Variants in KCNQ3 observed in about 807,000 individuals in gnomAD.
KCNQ3 encodes potassium voltage-gated channel subfamily KQT member 3.
A neutral mutation model predicts 92.5 loss-of-function variants in KCNQ3; 30 were observed. The ratio of observed to expected loss-of-function variants is 0.32; its 90% CI spans 0.24 to 0.44. The LOEUF (loss-of-function observed/expected upper bound fraction) is 0.44, where lower values mean the gene tolerates loss of function less well. Among genes scored for constraint, KCNQ3 ranks in the 20% least tolerant of loss-of-function variants. KCNQ3 has a pLI of 1.00. For missense variants in KCNQ3, 913 were observed against 1,140.3 expected (o/e 0.80, Z 2.87); for synonymous variants, 450 against 468.8 (o/e 0.96, Z 0.52).
intron 1 of KCNQ3, among the ~76,000 whole-genome samples, chr8:132,469,528 G>A (rs1483541563): frequency 2.0e-5 from 3 of 152,148 alleles, no homozygotes; most frequent in Non-Finnish European, 4.4e-5. Flanking sequence ...GCTATCTTGG[G>A]CTACCCAAAA....
At chr8:132,296,576 TC>T (rs1414609838) in intron 1 of KCNQ3, among the ~76,000 whole-genome samples, 14 of 152,058 alleles carry the variant, frequency 9.2e-5, no homozygotes, top group African/African-American at 3.4e-4. Context: ...AGTGTGATGT[TC>T]CCCTTCCTGT....
At chr8:132,138,149 C>T (rs755207352) in intron 11 of KCNQ3, 133 bp from the exon 12 acceptor site, 70 of 1,026,834 alleles carry the variant, frequency 6.8e-5, no homozygotes, top group Non-Finnish European at 9.7e-5. Context: ...GAACTTCCAA[C>T]GTTTGGTTCT....
chr8:132,263,133 T>C (rs1815848993), intron 1 of KCNQ3, among the ~76,000 whole-genome samples: 1 of 152,184 alleles, frequency 6.6e-6, no homozygotes, highest in South Asian at 2.1e-4. Flanking sequence ...ACACACTCTT[T>C]CCTGTTGGCT....
At chr8:132,442,674 C>T (rs1398935485) in intron 1 of KCNQ3, among the ~76,000 whole-genome samples, 1 of 152,166 alleles carries the variant, frequency 6.6e-6, no homozygotes, top group Non-Finnish European at 1.5e-5. Context: ...AGCTCCTACC[C>T]GGGCCTTGGT....
intron 1 of KCNQ3, among the ~76,000 whole-genome samples, chr8:132,401,845 T>C (rs775485957): frequency 3.3e-5 from 5 of 152,196 alleles, no homozygotes; most frequent in Non-Finnish European, 7.3e-5. Context: ...AGCACTGCCC[T>C]GACGTGGGGA....
chr8:132,359,431 CTGGGTG>C (rs1819106161), intron 1 of KCNQ3, among the ~76,000 whole-genome samples: 2 of 152,130 alleles, frequency 1.3e-5, no homozygotes, highest in Non-Finnish European at 2.9e-5. Flanking sequence ...CTGTGTCCTG[CTGGGTG>C]CTCCAGGGAA....
At chr8:132,359,540 G>C (rs1819109025) in intron 1 of KCNQ3, among the ~76,000 whole-genome samples, 1 of 152,084 alleles carries the variant, frequency 6.6e-6, no homozygotes, top group Non-Finnish European at 1.5e-5. Flanking sequence ...GACACGGCTA[G>C]ATTTCTGCAT....
chr8:132,381,564 C>T (rs905496265), intron 1 of KCNQ3, among the ~76,000 whole-genome samples: 2 of 152,178 alleles, frequency 1.3e-5, no homozygotes, highest in Admixed American at 6.5e-5. Context: ...AAAAATTCCC[C>T]ATTAAGGTAA....
intron 12 of KCNQ3, among the ~76,000 whole-genome samples, chr8:132,134,935 A>T (rs555555620): frequency 1.3e-5 from 2 of 152,290 alleles, no homozygotes; most frequent in South Asian, 4.2e-4. Context: ...TAGATCCAAC[A>T]CCAGCTTCCA....
intron 1 of KCNQ3, among the ~76,000 whole-genome samples, chr8:132,206,560 T>G (rs991533): frequency 0.013 from 2,013 of 152,322 alleles, 27 homozygotes; most frequent in South Asian, 0.041. Flanking sequence ...TACAATGTGA[T>G]AGTCCACATT....
intron 1 of KCNQ3, among the ~76,000 whole-genome samples, chr8:132,422,694 C>T (rs1356096717): frequency 6.6e-6 from 1 of 152,230 alleles, no homozygotes; most frequent in East Asian, 1.9e-4. Context: ...CCTCCCACGA[C>T]TCTCCATATA....
At chr8:132,448,894 C>G (rs1435726402) in intron 1 of KCNQ3, among the ~76,000 whole-genome samples, 1 of 152,210 alleles carries the variant, frequency 6.6e-6, no homozygotes, top group Non-Finnish European at 1.5e-5. Context: ...AGGAAATCAT[C>G]TTGAACACAA....
At chr8:132,211,485 T>A (rs554358222) in intron 1 of KCNQ3, among the ~76,000 whole-genome samples, 1 of 152,298 alleles carries the variant, frequency 6.6e-6, no homozygotes, top group East Asian at 1.9e-4. Flanking sequence ...TTGGCTCCAT[T>A]TGCCTGTTTA....
At chr8:132,468,134 A>C (rs1396365990) in intron 1 of KCNQ3, among the ~76,000 whole-genome samples, 1 of 152,210 alleles carries the variant, frequency 6.6e-6, no homozygotes, top group Non-Finnish European at 1.5e-5. Flanking sequence ...GCTGATTATT[A>C]AGTACTGCTG....
At chr8:132,348,284 G>T (rs1196060158) in intron 1 of KCNQ3, among the ~76,000 whole-genome samples, 1 of 152,188 alleles carries the variant, frequency 6.6e-6, no homozygotes, top group African/African-American at 2.4e-5. Flanking sequence ...TTCAGAGGTG[G>T]TTACTTAGCC....
chr8:132,286,122 G>A (rs1056440628), intron 1 of KCNQ3, among the ~76,000 whole-genome samples: 6 of 152,176 alleles, frequency 3.9e-5, no homozygotes, highest in Admixed American at 1.3e-4. Context: ...GCCATAAAGA[G>A]CCTCCACCAG....
At chr8:132,188,274 G>T (rs1316556299) in intron 1 of KCNQ3, among the ~76,000 whole-genome samples, 1 of 152,200 alleles carries the variant, frequency 6.6e-6, no homozygotes, top group African/African-American at 2.4e-5. Flanking sequence ...TGAGTCAATT[G>T]TTGAGGATCA....
chr8:132,175,414 G>A lies in KCNQ3; in HGVS notation c.933+39C>T, dbSNP rs564581537. ...CTCCACCTCTCTCTGACTCTTGACA[G>A]TCAATCTCACAGAATTGGCCTCCAA... On this transcript the variant is annotated intron_variant, in intron 5 of 14. Transcript: ENST00000388996. 5.0e-6 allele frequency: 8 copies of A among 1,610,608 alleles called. No individual in the cohort carries two copies. The East Asian group carries it at 1.8e-4, about 36-fold the overall frequency.
At chr8:132,374,479 C>G (rs541611007) in intron 1 of KCNQ3, among the ~76,000 whole-genome samples, 11 of 152,150 alleles carry the variant, frequency 7.2e-5, no homozygotes, top group Admixed American at 1.3e-4. Flanking sequence ...TACTGCCCCC[C>G]GCTGGCACTT....
Sources: allele counts gnomAD v4.1 joint callset (sites outside exome capture counted in the v4.1 genomes callset), GRCh38; gene constraint gnomAD v4.1.1; transcripts MANE v1.5; gene names NCBI Gene and HGNC (gene_info 2026-07-23, HGNC 2026-07-21).